The following PTPN3 variants were observed in gnomAD, a reference collection of about 807,000 sequenced individuals.
PTPN3 encodes tyrosine-protein phosphatase non-receptor type 3.
Under a neutral mutation model 132.7 loss-of-function variants are expected in PTPN3, and 96 were observed. The observed-to-expected ratio is 0.72, with a 90% confidence interval of 0.61 to 0.86. The LOEUF (loss-of-function observed/expected upper bound fraction) is 0.86, where lower values mean the gene tolerates loss of function less well. PTPN3 is among the 40% of genes least tolerant of loss of function. The pLI is 0.00. For missense variants in PTPN3, 1,125 were observed against 1,159.6 expected, an observed-to-expected ratio of 0.97 and a Z score of 0.43; for synonymous variants, 398 against 429.0, an observed-to-expected ratio of 0.93 and a Z score of 0.89.
At chr9:109,503,150 A>C (rs1847880312), upstream of PTPN3, among the ~76,000 whole-genome samples, 1 of 152,022 alleles carries the variant, frequency 6.6e-6, no homozygotes, top group Non-Finnish European at 1.5e-5. Flanking sequence ...AGAATTGCTC[A>C]AAAAAAAGTG....
At chr9:109,479,584 A>T (rs572869265) in intron 1 of PTPN3, among the ~76,000 whole-genome samples, 2 of 152,308 alleles carry the variant, frequency 1.3e-5, no homozygotes, top group African/African-American at 4.8e-5. Context: ...ATAGCTTTTT[A>T]AAATTTTTTT....
intron 15 of PTPN3, 50 bp from the exon 16 acceptor site, chr9:109,410,126 G>A (rs1409127132): frequency 1.9e-6 from 3 of 1,613,826 alleles, no homozygotes; most frequent in Non-Finnish European, 2.5e-6. Context: ...CTCTCCAGCA[G>A]TTGGTGATAA....
chr9:109,467,267 A>AT (rs71492849), intron 1 of PTPN3, among the ~76,000 whole-genome samples: 40 of 148,750 alleles, frequency 2.7e-4, no homozygotes, highest in East Asian at 5.9e-4. Flanking sequence ...GGTGGGTTAC[A>AT]TTTTTTTTTT....
intron 12 of PTPN3, among the ~76,000 whole-genome samples, 197 bp from the exon 13 acceptor site, chr9:109,423,049 G>A (rs951435394): frequency 6.6e-6 from 1 of 152,100 alleles, no homozygotes; most frequent in Admixed American, 6.5e-5. Context: ...TCTTCTCTTC[G>A]GGTGAAAATC....
chr9:109,533,608 A>C, the PTPN3 span: 1 of 1,537,552 alleles, frequency 6.5e-7, no homozygotes, highest in East Asian at 2.3e-5. Flanking sequence ...ATCGTGGTCT[A>C]TATCCCTGAT....
intron 16 of PTPN3, 88 bp downstream of exon 16, chr9:109,409,910 AG>A (rs1007273885): frequency 6.5e-7 from 1 of 1,527,814 alleles, no homozygotes. Flanking sequence ...TATGTAGCTC[AG>A]GAATGCAGCA....
the PTPN3 span, among the ~76,000 whole-genome samples, chr9:109,518,043 G>A: frequency 3.0e-3 from 452 of 152,294 alleles, 2 homozygotes; most frequent in Non-Finnish European, 4.6e-3. Flanking sequence ...CAGGCCTAGG[G>A]GTGGTTACGG....
At chr9:109,497,144 CAGA>C (rs1847705962) in intron 1 of PTPN3, among the ~76,000 whole-genome samples, 1 of 152,160 alleles carries the variant, frequency 6.6e-6, no homozygotes, top group South Asian at 2.1e-4. Context: ...TTGACTTCGG[CAGA>C]AGTTCTCCTG....
At chr9:109,536,390 TA>T in the PTPN3 span, among the ~76,000 whole-genome samples, 2 of 152,358 alleles carry the variant, frequency 1.3e-5, no homozygotes, top group Admixed American at 6.5e-5. Flanking sequence ...GGTCACACAG[TA>T]ATTCCGTTTC....
At chr9:109,429,067 C>T in intron 10 of PTPN3, 1 of 985,366 alleles carries the variant, frequency 1.0e-6, no homozygotes, top group Non-Finnish European at 1.2e-6. Flanking sequence ...CGAACCCCAG[C>T]TCCATTACTT....
At chr9:109,380,258 T>A (rs1838943310) in intron 25 of PTPN3, among the ~76,000 whole-genome samples, 2 of 151,608 alleles carry the variant, frequency 1.3e-5, no homozygotes, top group African/African-American at 4.9e-5. Context: ...TCTATCTATC[T>A]ATCTATCTAG....
At chr9:109,517,404 G>A in the PTPN3 span, among the ~76,000 whole-genome samples, 6 of 152,164 alleles carry the variant, frequency 3.9e-5, no homozygotes, top group South Asian at 1.2e-3. Flanking sequence ...TTCAAATTAT[G>A]AATTAACCAA....
At chr9:109,489,035 A>G (rs986675878) in intron 1 of PTPN3, among the ~76,000 whole-genome samples, 1 of 152,220 alleles carries the variant, frequency 6.6e-6, no homozygotes, top group African/African-American at 2.4e-5. Context: ...TGTGAGCACT[A>G]GAGGAAAGAA....
chr9:109,525,347 T>G, the PTPN3 span, among the ~76,000 whole-genome samples: 1 of 152,242 alleles, frequency 6.6e-6, no homozygotes, highest in African/African-American at 2.4e-5. Flanking sequence ...CGTGAGCCAC[T>G]GCACCTAGCT....
intron 16 of PTPN3, among the ~76,000 whole-genome samples, chr9:109,408,796 A>ATAAATATATATATAT (rs1554783378): frequency 3.7e-5 from 4 of 108,374 alleles, no homozygotes; most frequent in African/African-American, 1.1e-4. Flanking sequence ...AAAAAAAAAA[A>ATAAATATATATATAT]ATATATATAT....
At chr9:109,410,522 G>T in intron 14 of PTPN3, 107 bp from the exon 15 acceptor site, 1 of 1,243,786 alleles carries the variant, frequency 8.0e-7, no homozygotes, top group Non-Finnish European at 1.1e-6. Flanking sequence ...TGTTTCCCTG[G>T]AACCTCAGCT....
intron 17 of PTPN3, 99 bp from the exon 18 acceptor site, chr9:109,406,717 T>A (rs1841598672): frequency 6.7e-7 from 1 of 1,494,010 alleles, no homozygotes; most frequent in Non-Finnish European, 9.2e-7. Context: ...GGGACCATGA[T>A]CAAGTTTGCC....
the PTPN3 span, chr9:109,534,291 G>A: frequency 6.5e-7 from 1 of 1,535,466 alleles, no homozygotes; most frequent in East Asian, 2.4e-5. Flanking sequence ...GCGGCGAGCG[G>A]CAAGCGGCGG....
chr9:109,438,797 C>T (rs1299396144), intron 7 of PTPN3, among the ~76,000 whole-genome samples: 1 of 152,176 alleles, frequency 6.6e-6, no homozygotes, highest in Non-Finnish European at 1.5e-5. Context: ...CCAGGATGTG[C>T]TCAGAGGCCA....
Sources: allele counts gnomAD v4.1 joint callset (sites outside exome capture counted in the v4.1 genomes callset), GRCh38; gene constraint gnomAD v4.1.1; transcripts MANE v1.5; gene names NCBI Gene and HGNC (gene_info 2026-07-23, HGNC 2026-07-21).